DCC: variants seen among roughly 807,000 people sequenced by gnomAD.
The protein encoded by DCC is netrin receptor DCC.
In DCC, 58 loss-of-function variants were observed where a neutral mutation model predicts 172.5. That is an observed-to-expected ratio of 0.34 (90% confidence interval 0.27 to 0.42). DCC has a LOEUF of 0.42. Ranked by LOEUF, DCC falls within the 10% of genes least tolerant of loss-of-function variation. DCC has a pLI of 1.00. For synonymous variants in DCC, 709 were observed against 644.5 expected, an observed-to-expected ratio of 1.10 and a Z score of -1.52; for missense variants, 1,740 against 1,791.0, an observed-to-expected ratio of 0.97 and a Z score of 0.51.
chr18:53,276,645 T>A (rs1487277475), intron 12 of DCC, among the ~76,000 whole-genome samples: 5 of 151,986 alleles, frequency 3.3e-5, no homozygotes, highest in Admixed American at 3.3e-4. Flanking sequence ...ATCATGCAGA[T>A]GGAAATGAAG....
At chr18:53,005,943 A>G (rs2041638446) in intron 5 of DCC, among the ~76,000 whole-genome samples, 1 of 152,136 alleles carries the variant, frequency 6.6e-6, no homozygotes, top group African/African-American at 2.4e-5. Flanking sequence ...GTATGGGATC[A>G]ATGGGATTCC....
chr18:52,525,969 G>A (rs2031969438), intron 1 of DCC, among the ~76,000 whole-genome samples: 1 of 152,158 alleles, frequency 6.6e-6, no homozygotes, highest in African/African-American at 2.4e-5. Flanking sequence ...AATGCACATT[G>A]CACTAACTAA....
At chr18:53,056,728 G>C (rs965444171) in intron 5 of DCC, among the ~76,000 whole-genome samples, 1 of 152,014 alleles carries the variant, frequency 6.6e-6, no homozygotes, top group African/African-American at 2.4e-5. Flanking sequence ...AAACTAGCTG[G>C]CTTTCCACTG....
At chr18:52,786,562 TTCTACATAGC>T (rs1428981889) in intron 2 of DCC, among the ~76,000 whole-genome samples, 1 of 152,124 alleles carries the variant, frequency 6.6e-6, no homozygotes. Flanking sequence ...GAATGGTTAT[TTCTACATAGC>T]TCTTTTGGAT....
intron 8 of DCC, among the ~76,000 whole-genome samples, chr18:53,170,680 T>C (rs1405117390): frequency 1.3e-5 from 2 of 152,244 alleles, no homozygotes; most frequent in Admixed American, 1.3e-4. Context: ...CATGTATTTT[T>C]CTTTAGATAT....
At chr18:53,125,070 C>A (rs552135527) in intron 7 of DCC, among the ~76,000 whole-genome samples, 1 of 151,926 alleles carries the variant, frequency 6.6e-6, no homozygotes, top group African/African-American at 2.4e-5. Context: ...TATCTTGTAA[C>A]TTTTTTAAAC....
intron 14 of DCC, among the ~76,000 whole-genome samples, chr18:53,323,303 A>G (rs1355850799): frequency 6.6e-6 from 1 of 152,012 alleles, no homozygotes; most frequent in Non-Finnish European, 1.5e-5. Flanking sequence ...CCTCACTATC[A>G]TTAATGATTT....
At chr18:52,987,830 A>G (rs573012820) in intron 5 of DCC, among the ~76,000 whole-genome samples, 1 of 152,336 alleles carries the variant, frequency 6.6e-6, no homozygotes, top group African/African-American at 2.4e-5. Context: ...CTCACATAAC[A>G]CAAAAATTAT....
chr18:53,295,045 T>C (rs2057049832), intron 12 of DCC, among the ~76,000 whole-genome samples: 1 of 152,152 alleles, frequency 6.6e-6, no homozygotes, highest in Admixed American at 6.6e-5. Context: ...TCCATAAAAT[T>C]TTATTTAAAA....
chr18:52,669,247 G>A (rs1212978859), intron 1 of DCC, among the ~76,000 whole-genome samples: 1 of 152,190 alleles, frequency 6.6e-6, no homozygotes, highest in Non-Finnish European at 1.5e-5. Context: ...TCCATCAAGT[G>A]CAGAGTCTGC....
At chr18:52,520,659 C>A (rs568343248) in intron 1 of DCC, among the ~76,000 whole-genome samples, 1 of 151,948 alleles carries the variant, frequency 6.6e-6, no homozygotes, top group Non-Finnish European at 1.5e-5. Context: ...TAAATACAGT[C>A]GTTCAGATTG....
intron 1 of DCC, among the ~76,000 whole-genome samples, chr18:52,689,061 A>C (rs560460315): frequency 2.9e-4 from 44 of 152,270 alleles, no homozygotes; most frequent in African/African-American, 1.0e-3. Context: ...ATTAGCTTCA[A>C]ATGCACAGAA....
intron 5 of DCC, among the ~76,000 whole-genome samples, chr18:52,930,884 T>A (rs1487587071): frequency 6.6e-6 from 1 of 152,160 alleles, no homozygotes; most frequent in Non-Finnish European, 1.5e-5. Context: ...ACATTTTTAT[T>A]CTATGAACCA....
At chr18:53,060,032 CT>C (rs1472141985) in intron 5 of DCC, among the ~76,000 whole-genome samples, 1 of 151,824 alleles carries the variant, frequency 6.6e-6, no homozygotes, top group African/African-American at 2.4e-5. Context: ...AAGACAGAGC[CT>C]TGCTCTGTCA....
At chr18:52,899,124 C>A (rs1489755425) in intron 2 of DCC, among the ~76,000 whole-genome samples, 2 of 152,048 alleles carry the variant, frequency 1.3e-5, no homozygotes, top group Non-Finnish European at 2.9e-5. Flanking sequence ...TGAAAAAAAT[C>A]ACTGCTTTTC....
chr18:52,414,362 G>A (rs534995071), intron 1 of DCC, among the ~76,000 whole-genome samples: 1 of 152,286 alleles, frequency 6.6e-6, no homozygotes, highest in Admixed American at 6.5e-5. Flanking sequence ...GGGATTACAG[G>A]CATGAGGAAA....
At chr18:52,788,492 CTT>C (rs1222682800) in intron 2 of DCC, among the ~76,000 whole-genome samples, 1 of 152,052 alleles carries the variant, frequency 6.6e-6, no homozygotes, top group Non-Finnish European at 1.5e-5. Context: ...TTAAGACCAC[CTT>C]TTTGCATTTT....
chr18:52,776,800 GAA>G (rs1407740235), intron 2 of DCC, among the ~76,000 whole-genome samples: 1 of 152,160 alleles, frequency 6.6e-6, no homozygotes, highest in African/African-American at 2.4e-5. Context: ...ATTACTTTGA[GAA>G]AAGTTTTCTG....
chr18:52,878,300 C>T (rs115783341), intron 2 of DCC, among the ~76,000 whole-genome samples: 2,304 of 152,254 alleles, frequency 0.015, 42 homozygotes, highest in African/African-American at 0.039. Flanking sequence ...CTTTATTTCC[C>T]CAACCCATAA....
Sources: gnomAD v4.1 joint callset for allele counts (sites outside exome capture counted in the v4.1 genomes callset) on GRCh38, gnomAD v4.1.1 for gene constraint, MANE v1.5 for transcripts, NCBI Gene and HGNC (gene_info 2026-07-23, HGNC 2026-07-21) for gene names.